IQCJ: variants seen among roughly 807,000 people sequenced by gnomAD.
IQCJ encodes IQ domain-containing protein J.
Under a neutral mutation model 11.0 loss-of-function variants are expected in IQCJ, and 9 were observed. The ratio of observed to expected loss-of-function variants is 0.82; its 90% CI spans 0.49 to 1.43. The LOEUF (loss-of-function observed/expected upper bound fraction) is 1.43, where lower values mean the gene tolerates loss of function less well. Among genes scored for constraint, IQCJ ranks in the 40% most tolerant of loss-of-function variants. The probability of loss-of-function intolerance (pLI) is 0.00; values close to 1 mark genes in which losing one functional copy is unlikely to be tolerated. For missense variants in IQCJ, 146 were observed against 133.2 expected, an observed-to-expected ratio of 1.10 and a Z score of -0.47; for synonymous variants, 55 against 51.3, an observed-to-expected ratio of 1.07 and a Z score of -0.31.
chr3:159,140,706 C>T (rs1720553276), intron 1 of IQCJ, among the ~76,000 whole-genome samples: 1 of 152,168 alleles, frequency 6.6e-6, no homozygotes, highest in African/African-American at 2.4e-5. Flanking sequence ...AATCATTAGG[C>T]ATGTTGTTCT....
At chr3:159,069,843 TTGTG>T (rs34425057) in intron 1 of IQCJ, 17,830 of 299,602 alleles carry the variant, frequency 0.06, 555 homozygotes, top group African/African-American at 0.12. Flanking sequence ...CCCTCCTTTC[TTGTG>T]TGTGTGTGTG....
rs989172774 is a variant in IQCJ, at chr3:159,263,467, G to A, written c.*736G>A. 5.1e-6 allele frequency: 5 copies of A among 984,264 alleles called. No homozygotes were observed. The highest frequency in any genetic ancestry group is 6.0e-6 in the Non-Finnish European group (5 of 828,900). The allele number at this position is 984,264 out of a possible 1,614,324, so 61.0% of individuals were successfully genotyped here. ...TTTATTTTTAAAAAACACCAAAAGT[G>A]GGAAGAAATCAGTGATGAGGGATTT... On this transcript the variant is annotated 3_prime_UTR_variant, in exon 4 of 4. Coordinates refer to ENST00000397832, the MANE Select transcript of IQCJ (RefSeq NM_001042706.3).
At chr3:159,159,930 T>A (rs1721743787) in intron 1 of IQCJ, among the ~76,000 whole-genome samples, 2 of 152,094 alleles carry the variant, frequency 1.3e-5, no homozygotes, top group South Asian at 4.1e-4. Context: ...TCACTAGAAG[T>A]AGATGCCGAC....
chr3:159,163,890 A>G (rs77634587), intron 1 of IQCJ, among the ~76,000 whole-genome samples: 41 of 152,156 alleles, frequency 2.7e-4, no homozygotes, highest in African/African-American at 8.9e-4. Context: ...ATCAGGCCTC[A>G]TTCTCTGCAT....
At chr3:159,265,751 TG>T (rs1052447437), downstream of IQCJ, 2 of 168,082 alleles carry the variant, frequency 1.2e-5, no homozygotes, top group African/African-American at 4.7e-5. Flanking sequence ...ACAACCTTAA[TG>T]GAGGCCAACA....
intron 1 of IQCJ, among the ~76,000 whole-genome samples, chr3:159,078,093 A>G (rs979846419): frequency 1.1e-5 from 1 of 93,552 alleles, no homozygotes; most frequent in Non-Finnish European, 3.1e-5. Context: ...AATTTCCTGC[A>G]TTTCAAAAAT....
intron 1 of IQCJ, among the ~76,000 whole-genome samples, chr3:159,106,877 T>C (rs1718297110): frequency 6.6e-6 from 1 of 152,140 alleles, no homozygotes; most frequent in South Asian, 2.1e-4. Flanking sequence ...TCACAGAAAA[T>C]AGTTTACTTA....
At chr3:159,244,391 C>T (rs368936689) in intron 1 of IQCJ, among the ~76,000 whole-genome samples, 1 of 152,092 alleles carries the variant, frequency 6.6e-6, no homozygotes, top group African/African-American at 2.4e-5. Flanking sequence ...ACCTCCACAC[C>T]ATGTAGTATG....
chr3:159,091,921 T>C (rs1229166250), intron 1 of IQCJ, among the ~76,000 whole-genome samples: 2 of 151,812 alleles, frequency 1.3e-5, no homozygotes, highest in African/African-American at 2.4e-5. Context: ...GAAGGAATAA[T>C]AGAATTAGAT....
chr3:159,265,289 T>A, downstream of IQCJ: 1 of 1,613,918 alleles, frequency 6.2e-7, no homozygotes, highest in Non-Finnish European at 8.5e-7. Context: ...ACAAGTTGCC[T>A]GGTGGAAGGA....
intron 1 of IQCJ, among the ~76,000 whole-genome samples, chr3:159,094,256 T>TA (rs142487215): frequency 0.032 from 4,863 of 151,552 alleles, 373 homozygotes; most frequent in African/African-American, 0.11. Flanking sequence ...TATGTTTGGT[T>TA]AAAAAAACTA....
intron 1 of IQCJ, among the ~76,000 whole-genome samples, chr3:159,169,882 A>G (rs1024053843): frequency 2.0e-5 from 3 of 152,168 alleles, no homozygotes; most frequent in African/African-American, 7.2e-5. Flanking sequence ...TTGAAAACCC[A>G]GACCTGACTT....
intron 1 of IQCJ, among the ~76,000 whole-genome samples, chr3:159,107,168 G>C (rs767663208): frequency 1.8e-4 from 27 of 152,090 alleles, no homozygotes; most frequent in Admixed American, 4.6e-4. Flanking sequence ...AACTTCATAA[G>C]TTAAAAATCC....
intron 2 of IQCJ, among the ~76,000 whole-genome samples, chr3:159,250,169 T>G (rs770014776): frequency 1.3e-5 from 2 of 152,356 alleles, no homozygotes; most frequent in South Asian, 4.1e-4. Flanking sequence ...AGACAATTAT[T>G]GATGGAATGA....
chr3:159,075,351 T>A (rs1342706323), intron 1 of IQCJ, among the ~76,000 whole-genome samples: 1 of 152,126 alleles, frequency 6.6e-6, no homozygotes, highest in Non-Finnish European at 1.5e-5. Context: ...AAAATTTTTT[T>A]AAGAGATAAT....
intron 1 of IQCJ, among the ~76,000 whole-genome samples, chr3:159,071,541 A>C (rs1028739601): frequency 7.2e-5 from 11 of 152,098 alleles, no homozygotes; most frequent in Non-Finnish European, 1.3e-4. Flanking sequence ...TCTATGTAAA[A>C]ATATTCCTTG....
chr3:159,128,454 T>C (rs937288880), intron 1 of IQCJ, among the ~76,000 whole-genome samples: 2 of 152,194 alleles, frequency 1.3e-5, no homozygotes, highest in African/African-American at 4.8e-5. Flanking sequence ...TTTTCCTCTG[T>C]CATTTTCTGA....
At chr3:159,186,644 C>T (rs1467960736) in intron 1 of IQCJ, among the ~76,000 whole-genome samples, 3 of 152,304 alleles carry the variant, frequency 2.0e-5, no homozygotes, top group South Asian at 2.1e-4. Flanking sequence ...ATGCTCTTGG[C>T]TCAGTAAATT....
At chr3:159,256,260 C>A (rs781014019) in intron 3 of IQCJ, among the ~76,000 whole-genome samples, 2 of 152,054 alleles carry the variant, frequency 1.3e-5, no homozygotes, top group Non-Finnish European at 2.9e-5. Flanking sequence ...TGAAAGTCAG[C>A]TCAATAAATA....
Sources: gnomAD v4.1 joint callset for allele counts (sites outside exome capture counted in the v4.1 genomes callset) on GRCh38, gnomAD v4.1.1 for gene constraint, MANE v1.5 for transcripts, NCBI Gene and HGNC (gene_info 2026-07-23, HGNC 2026-07-21) for gene names.